The following GSE1 variants were observed in gnomAD, a reference collection of about 807,000 sequenced individuals.
The protein encoded by GSE1 is genetic suppressor element 1.
In GSE1, 32 loss-of-function variants were observed where a neutral mutation model predicts 112.6. The ratio of observed to expected loss-of-function variants is 0.28; its 90% confidence interval spans 0.21 to 0.38. The LOEUF (loss-of-function observed/expected upper bound fraction) is 0.38, where lower values mean the gene tolerates loss of function less well. Ranked by LOEUF, GSE1 falls within the 10% of genes least tolerant of loss-of-function variation. The pLI is 1.00. For synonymous variants in GSE1, 1,115 were observed against 735.6 expected, an observed-to-expected ratio of 1.52 and a Z score of -8.35; for missense variants, 2,348 against 1,699.2, an observed-to-expected ratio of 1.38 and a Z score of -6.71.
intron 1 of GSE1, among the ~76,000 whole-genome samples, chr16:85,587,124 A>T (rs1380231442): frequency 2.7e-5 from 4 of 150,888 alleles, no homozygotes; most frequent in African/African-American, 9.8e-5. Context: ...GCGGGAGGGT[A>T]CAGGGTGCTG....
chr16:85,471,762 T>C (rs556687053), intron 2 of GSE1, among the ~76,000 whole-genome samples: 1 of 152,136 alleles, frequency 6.6e-6, no homozygotes, highest in South Asian at 2.1e-4. Flanking sequence ...CAGGGTGGAG[T>C]ACAGTGGTGT....
chr16:85,599,161 C>T (rs891477277), intron 1 of GSE1, among the ~76,000 whole-genome samples: 3 of 152,268 alleles, frequency 2.0e-5, no homozygotes, highest in Non-Finnish European at 4.4e-5. Context: ...CTTTGAGTTA[C>T]CCGGCGCTTC....
upstream of GSE1, among the ~76,000 whole-genome samples, chr16:85,608,216 T>G (rs2047797525): frequency 6.6e-6 from 1 of 152,086 alleles, no homozygotes; most frequent in Non-Finnish European, 1.5e-5. Context: ...GCTTGCACCT[T>G]CACCGATGCG....
intron 2 of GSE1, among the ~76,000 whole-genome samples, chr16:85,407,751 T>G (rs180896500): frequency 1.2e-4 from 1 of 8,610 alleles, no homozygotes; most frequent in East Asian, 4.2e-3. Context: ...ATAATCCTCA[T>G]TGTTACACTC....
At chr16:85,381,806 T>C (rs1413217488) in intron 2 of GSE1, among the ~76,000 whole-genome samples, 2 of 152,216 alleles carry the variant, frequency 1.3e-5, no homozygotes, top group Non-Finnish European at 2.9e-5. Flanking sequence ...TGGGTGACCC[T>C]GAGGCCGGTG....
chr16:85,392,273 C>T (rs1031177895), intron 2 of GSE1, among the ~76,000 whole-genome samples: 1 of 152,188 alleles, frequency 6.6e-6, no homozygotes, highest in Admixed American at 6.5e-5. Context: ...TGGCAGAGAG[C>T]GTCACCAGAT....
At chr16:85,439,793 GCA>G (rs1213059296) in intron 2 of GSE1, among the ~76,000 whole-genome samples, 2 of 152,058 alleles carry the variant, frequency 1.3e-5, no homozygotes, top group African/African-American at 4.8e-5. Flanking sequence ...GCACACATGT[GCA>G]CAGAGATTAC....
intron 2 of GSE1, among the ~76,000 whole-genome samples, chr16:85,453,093 G>T (rs2049730990): frequency 6.6e-6 from 1 of 152,204 alleles, no homozygotes. Flanking sequence ...GAAGCTCCTG[G>T]GCCTGGGTCC....
intron 1 of GSE1, among the ~76,000 whole-genome samples, 194 bp downstream of exon 1, chr16:85,613,592 C>T (rs1388395371): frequency 2.6e-5 from 4 of 151,774 alleles, no homozygotes; most frequent in Non-Finnish European, 4.4e-5. Context: ...GCCCGCGGGT[C>T]GCAGCCTGGG....
chr16:85,256,274 A>T (rs574755022), intron 1 of GSE1, among the ~76,000 whole-genome samples: 1 of 152,260 alleles, frequency 6.6e-6, no homozygotes, highest in African/African-American at 2.4e-5. Context: ...TAATAATATA[A>T]TAATAATAAT....
At chr16:85,566,952 G>A (rs555817777) in intron 1 of GSE1, among the ~76,000 whole-genome samples, 29 of 152,234 alleles carry the variant, frequency 1.9e-4, no homozygotes, top group African/African-American at 6.7e-4. Flanking sequence ...CCTCTCACCC[G>A]CTCCAAGAAC....
intron 1 of GSE1, among the ~76,000 whole-genome samples, chr16:85,324,788 G>A (rs2046191371): frequency 6.6e-6 from 1 of 152,106 alleles, no homozygotes; most frequent in African/African-American, 2.4e-5. Context: ...GGCAGGGCCT[G>A]GGGAAGGCGA....
At chr16:85,331,361 G>GTATATATATGTA in intron 1 of GSE1, among the ~76,000 whole-genome samples, 1 of 66,978 alleles carries the variant, frequency 1.5e-5, no homozygotes, top group Non-Finnish European at 3.4e-5. Flanking sequence ...GTGTGTGTGT[G>GTATATATATGTA]TGTGTATATA....
chr16:85,464,152 C>T (rs2050058996), intron 2 of GSE1, among the ~76,000 whole-genome samples: 2 of 152,126 alleles, frequency 1.3e-5, no homozygotes, highest in African/African-American at 4.8e-5. Context: ...TCTGTGTGCA[C>T]CTCTCTGCCT....
rs200166824 is a variant in GSE1 at position 85,665,042 on chromosome 16, G to A, written c.2672G>A (p.Arg891His). The A allele has an allele frequency of 3.1e-5, 50 of 1,610,736 alleles. No homozygotes were observed. The highest frequency in any genetic ancestry group is 3.9e-5 in the Non-Finnish European group (46 of 1,177,192). The part of the protein sequence containing the change: ...KDKERLVEML[R>H]AMKQKALSAA... ...AAAGAGAGACTTGTTGAAATGCTCCGTGCCATGAAGCAGAAGGCACTGTCA... is the reference window on the plus strand; with the variant it reads ...AAAGAGAGACTTGTTGAAATGCTCCATGCCATGAAGCAGAAGGCACTGTCA... Residue 891 changes from arginine to histidine, a missense_variant, in exon 12 of 16, where the codon CGT becomes CAT. By Grantham distance (29) the Arg-to-His change is conservative. Transcript: ENST00000253458.
chr16:85,418,605 C>A (rs139189300), intron 2 of GSE1, among the ~76,000 whole-genome samples: 176 of 152,348 alleles, frequency 1.2e-3, no homozygotes, highest in African/African-American at 4.1e-3. Context: ...CATAGAGAAG[C>A]CACTGCTGTC....
intron 3 of GSE1, among the ~76,000 whole-genome samples, chr16:85,649,339 C>T (rs943128410): frequency 1.3e-5 from 2 of 152,166 alleles, no homozygotes; most frequent in Non-Finnish European, 2.9e-5. Context: ...CGCTGAGCAC[C>T]CGGCACACTA....
chr16:85,603,442 C>G (rs2047554029), intron 1 of GSE1, among the ~76,000 whole-genome samples: 1 of 152,236 alleles, frequency 6.6e-6, no homozygotes, highest in African/African-American at 2.4e-5. Flanking sequence ...TCTCTGGAAA[C>G]TACAGGCCCT....
At chr16:85,245,869 C>T (rs747540634) in intron 1 of GSE1, among the ~76,000 whole-genome samples, 1 of 151,850 alleles carries the variant, frequency 6.6e-6, no homozygotes, top group Admixed American at 6.6e-5. Flanking sequence ...GTTCTGCCTC[C>T]TGCGTGTGCG....
Sources: gnomAD v4.1 joint callset for allele counts (sites outside exome capture counted in the v4.1 genomes callset) on GRCh38, gnomAD v4.1.1 for gene constraint, MANE v1.5 for transcripts, NCBI Gene and HGNC (gene_info 2026-07-23, HGNC 2026-07-21) for gene names.